Variants in TANC2 observed in about 807,000 individuals in gnomAD.
TANC2 encodes tetratricopeptide repeat, ankyrin repeat and coiled-coil containing 2.
TANC2 carries 26 observed loss-of-function variants against 210.5 expected under a neutral mutation model. The observed-to-expected ratio is 0.12, with a 90% CI of 0.09 to 0.17. The LOEUF (loss-of-function observed/expected upper bound fraction) is 0.17, where lower values mean the gene tolerates loss of function less well. TANC2 is among the 10% of genes least tolerant of loss of function. TANC2 has a pLI of 1.00. For synonymous variants in TANC2, 931 were observed against 967.1 expected (o/e 0.96, Z 0.69); for missense variants, 2,129 against 2,608.9 (o/e 0.82, Z 4.01).
intron 1 of TANC2, chr17:63,004,799 G>T: frequency 2.8e-6 from 1 of 353,786 alleles, no homozygotes; most frequent in East Asian, 7.8e-5. Flanking sequence ...TACCCGCTTT[G>T]GGTACCTTCT....
chr17:63,423,811 C>T (rs1157719567), exon 28 of TANC2: 1 of 152,306 alleles, frequency 6.6e-6, no homozygotes, highest in Non-Finnish European at 1.5e-5. Flanking sequence ...CCTCTTTCCA[C>T]ACTCCCTGAT....
chr17:63,327,592 A>G (rs561550074), intron 11 of TANC2, among the ~76,000 whole-genome samples: 158 of 152,358 alleles, frequency 1.0e-3, no homozygotes, highest in Non-Finnish European at 1.8e-3. Flanking sequence ...CCAAAGAAAT[A>G]TAAATTGTTC....
chr17:63,025,699 G>A (rs956601994), intron 2 of TANC2, among the ~76,000 whole-genome samples: 6 of 151,974 alleles, frequency 3.9e-5, no homozygotes, highest in African/African-American at 1.5e-4. Context: ...GGGAGGCTGA[G>A]GCATGAGAAT....
chr17:63,361,876 C>T (rs2046967882), intron 14 of TANC2, among the ~76,000 whole-genome samples: 1 of 152,240 alleles, frequency 6.6e-6, no homozygotes, highest in Non-Finnish European at 1.5e-5. Flanking sequence ...CTCCTTTCCA[C>T]AAGCAGGTCA....
intron 8 of TANC2, among the ~76,000 whole-genome samples, chr17:63,239,040 A>G (rs1229611063): frequency 2.0e-5 from 3 of 151,974 alleles, no homozygotes; most frequent in African/African-American, 7.3e-5. Flanking sequence ...ATGATATAGC[A>G]TGGTGGCTCA....
At chr17:63,024,906 G>A (rs185478220) in intron 2 of TANC2, among the ~76,000 whole-genome samples, 2 of 152,204 alleles carry the variant, frequency 1.3e-5, no homozygotes, top group Non-Finnish European at 2.9e-5. Flanking sequence ...TAGTGACTCA[G>A]ATGTAAGAGA....
At chr17:63,004,686 C>A in intron 1 of TANC2, 1 of 308,354 alleles carries the variant, frequency 3.2e-6, no homozygotes, top group Non-Finnish European at 6.3e-6. Context: ...CAGAGGTCCA[C>A]AGTTGTCAAA....
At chr17:63,207,272 G>T (rs2145844290) in intron 7 of TANC2, among the ~76,000 whole-genome samples, 1 of 145,718 alleles carries the variant, frequency 6.9e-6, no homozygotes, top group South Asian at 2.2e-4. Context: ...CTGGAGTGCG[G>T]TTGCGCAGTC....
intron 3 of TANC2, among the ~76,000 whole-genome samples, chr17:63,074,413 A>G (rs947814002): frequency 3.9e-5 from 6 of 151,972 alleles, no homozygotes; most frequent in African/African-American, 1.4e-4. Flanking sequence ...TTTGTTGGTA[A>G]TTGCTATATT....
chr17:63,368,662 G>C (rs996776137), intron 14 of TANC2, among the ~76,000 whole-genome samples: 2 of 151,242 alleles, frequency 1.3e-5, no homozygotes, highest in Non-Finnish European at 2.9e-5. Flanking sequence ...TAAGGCAAAG[G>C]GTAAGAGGCC....
At chr17:62,994,247 C>T (rs939966999) in intron 1 of TANC2, among the ~76,000 whole-genome samples, 39 of 151,778 alleles carry the variant, frequency 2.6e-4, no homozygotes, top group African/African-American at 8.7e-4. Context: ...ATTCTCAGCT[C>T]ACTGCACCCT....
At chr17:63,267,775 T>C in exon 9 of TANC2, 1 of 1,613,076 alleles carries the variant, frequency 6.2e-7, no homozygotes, top group Non-Finnish European at 8.5e-7. Context: ...TTGGAAGACC[T>C]TGCTTACCTG....
chr17:63,427,651 CTGTA>C (rs2049175661), exon 28 of TANC2: 1 of 152,262 alleles, frequency 6.6e-6, no homozygotes, highest in Non-Finnish European at 1.5e-5. Flanking sequence ...GTACAAGGAA[CTGTA>C]TGTATGAAAG....
Position 63,224,346 on chromosome 17 carries a change from G to C in TANC2, c.770-13468G>C, listed in dbSNP as rs148910888. ...GGCTCACTGCAGCCTCCGCCTCCCA[G>C]ATTCAAGCAGTTCTTCCACCTCCGT... On this transcript the variant is annotated intron_variant, in intron 7 of 27. Coordinates refer to ENST00000689528, the Ensembl canonical transcript of TANC2. Among the ~76,000 whole-genome samples, 28 of 150,094 alleles carry C rather than the reference G, an allele frequency of 1.9e-4. No individual in the cohort carries two copies. The East Asian group carries it at 5.5e-3, about 30-fold the overall frequency.
chr17:62,985,415 C>G (rs553025163), intron 1 of TANC2, among the ~76,000 whole-genome samples: 1 of 152,118 alleles, frequency 6.6e-6, no homozygotes, highest in African/African-American at 2.4e-5. Context: ...TCATCTCTCT[C>G]CTAAGATTTG....
chr17:63,069,414 C>T (rs1223005374), intron 2 of TANC2, among the ~76,000 whole-genome samples: 9 of 152,080 alleles, frequency 5.9e-5, no homozygotes, highest in African/African-American at 1.9e-4. Context: ...GTGGTTTGCT[C>T]CTGGTTGAAA....
intron 9 of TANC2, among the ~76,000 whole-genome samples, chr17:63,269,392 A>G (rs1236510443): frequency 6.6e-6 from 1 of 152,140 alleles, no homozygotes; most frequent in Non-Finnish European, 1.5e-5. Context: ...TGATCAAGAG[A>G]CCAAATAATT....
At chr17:63,323,224 A>G (rs1254126578) in intron 11 of TANC2, among the ~76,000 whole-genome samples, 6 of 152,056 alleles carry the variant, frequency 3.9e-5, no homozygotes, top group African/African-American at 1.4e-4. Flanking sequence ...TTCTTGAAAA[A>G]TCTCTCAATT....
chr17:63,351,225 AGTAAT>A lies in TANC2; in HGVS notation c.1808-22_1808-18del. 6.4e-7 allele frequency: 1 copy of A among 1,570,008 alleles called. No individual in the cohort carries two copies. Among genetic ancestry groups the A allele is most frequent in the Non-Finnish European group, 8.6e-7 (1 of 1,158,504 alleles). The stretch of plus-strand genomic sequence containing the variant: ...TCATTTATCCACTTGGTAATTATTA[AGTAAT>A]GTGTTTCTTTCTATCTCAGAGAGAA... On this transcript the variant is annotated intron_variant, in intron 12 of 27. Transcript: ENST00000689528.
Sources: allele counts gnomAD v4.1 joint callset (sites outside exome capture counted in the v4.1 genomes callset), GRCh38; gene constraint gnomAD v4.1.1; transcripts MANE v1.5; gene names NCBI Gene and HGNC (gene_info 2026-07-23, HGNC 2026-07-21).